The following NDC1 variants were observed in gnomAD, a reference collection of about 807,000 sequenced individuals.
The protein encoded by NDC1 is NDC1 transmembrane nucleoporin.
NDC1 carries 24 observed loss-of-function variants against 89.8 expected under a neutral mutation model. The observed-to-expected ratio is 0.27, with a 90% confidence interval of 0.19 to 0.38. NDC1 has a LOEUF of 0.38. Ranked by LOEUF, NDC1 falls within the 10% of genes least tolerant of loss-of-function variation. The pLI is 1.00. For synonymous variants in NDC1, 296 were observed against 284.8 expected, an observed-to-expected ratio of 1.04 and a Z score of -0.39; for missense variants, 728 against 797.6, an observed-to-expected ratio of 0.91 and a Z score of 1.05.
At chr1:53,770,013 G>C (rs1186510254) in intron 17 of NDC1, among the ~76,000 whole-genome samples, 3 of 152,152 alleles carry the variant, frequency 2.0e-5, no homozygotes, top group African/African-American at 7.2e-5. Flanking sequence ...GATGCAAGCA[G>C]ACAGAAATCC....
chr1:53,802,385 G>A (rs1647951146), intron 10 of NDC1, among the ~76,000 whole-genome samples: 1 of 152,084 alleles, frequency 6.6e-6, no homozygotes, highest in Non-Finnish European at 1.5e-5. Flanking sequence ...ATGAAAAGCT[G>A]GTTGAGTGTA....
chr1:53,793,313 A>T, intron 13 of NDC1, 34 bp from the exon 14 acceptor site: 1 of 1,518,604 alleles, frequency 6.6e-7, no homozygotes, highest in South Asian at 1.1e-5. Context: ...TAACACATTT[A>T]CCTTTTAAAT....
intron 17 of NDC1, among the ~76,000 whole-genome samples, chr1:53,770,229 A>G (rs900267374): frequency 1.3e-5 from 2 of 151,994 alleles, no homozygotes; most frequent in Non-Finnish European, 2.9e-5. Context: ...GTCTCGCTAA[A>G]ATATGGCTCT....
intron 16 of NDC1, among the ~76,000 whole-genome samples, chr1:53,778,907 C>A (rs1334606098): frequency 2.0e-5 from 3 of 151,692 alleles, no homozygotes; most frequent in African/African-American, 7.3e-5. Context: ...TTCGGGAGGC[C>A]GAGGCAGGCA....
chr1:53,807,437 A>T (rs1362615589), intron 8 of NDC1, among the ~76,000 whole-genome samples: 2 of 152,056 alleles, frequency 1.3e-5, no homozygotes, highest in Non-Finnish European at 2.9e-5. Context: ...CATTCAGTTT[A>T]ATCTCCAAAA....
At chr1:53,795,368 T>C (rs995435244) in intron 13 of NDC1, among the ~76,000 whole-genome samples, 4 of 152,164 alleles carry the variant, frequency 2.6e-5, no homozygotes, top group Non-Finnish European at 5.9e-5. Context: ...CCCAGAACTT[T>C]CCCCTACACT....
At chr1:53,783,718 G>A (rs1647241213) in intron 16 of NDC1, among the ~76,000 whole-genome samples, 1 of 152,160 alleles carries the variant, frequency 6.6e-6, no homozygotes, top group Non-Finnish European at 1.5e-5. Context: ...GTTTAATACT[G>A]TGAGTTCGAT....
At chr1:53,835,343 TTACGAAGGAGACATCTTAAAATTATC>T (rs1649194124) in intron 2 of NDC1, among the ~76,000 whole-genome samples, 131 bp downstream of exon 2, 1 of 152,226 alleles carries the variant, frequency 6.6e-6, no homozygotes, top group Non-Finnish European at 1.5e-5. Context: ...GTGATTTATG[TTACGAAGGAGACATCTTAAAATTATC>T]TCAAAGTGAA....
intron 5 of NDC1, among the ~76,000 whole-genome samples, chr1:53,821,860 AAT>A (rs559277714): frequency 1.9e-4 from 29 of 152,340 alleles, no homozygotes; most frequent in Middle Eastern, 6.8e-3. Context: ...CTATAAATGT[AAT>A]ACTTTCAACA....
intron 10 of NDC1, among the ~76,000 whole-genome samples, chr1:53,801,214 T>C (rs1458228574): frequency 6.6e-6 from 1 of 152,132 alleles, no homozygotes; most frequent in African/African-American, 2.4e-5. Context: ...CTGCTATGAC[T>C]GTGAACAATG....
intron 5 of NDC1, among the ~76,000 whole-genome samples, chr1:53,823,340 A>G (rs1648737782): frequency 6.6e-6 from 1 of 152,270 alleles, no homozygotes; most frequent in Non-Finnish European, 1.5e-5. Context: ...ATTATCAAAA[A>G]TCAATACTCT....
intron 17 of NDC1, chr1:53,770,903 C>G (rs1647107046): frequency 6.6e-6 from 1 of 152,244 alleles, no homozygotes; most frequent in Admixed American, 6.6e-5. Flanking sequence ...GATCCACCCA[C>G]CTCGGCCTCC....
At chr1:53,796,302 C>T (rs1185122896) in intron 13 of NDC1, among the ~76,000 whole-genome samples, 1 of 152,096 alleles carries the variant, frequency 6.6e-6, no homozygotes, top group Non-Finnish European at 1.5e-5. Context: ...CTTAATAGCA[C>T]ATAAGTCTTA....
At chr1:53,784,591 G>T (rs1482829373) in intron 16 of NDC1, among the ~76,000 whole-genome samples, 20 of 152,240 alleles carry the variant, frequency 1.3e-4, no homozygotes. Context: ...AGGAGATCAA[G>T]ATCGTCCTGG....
In NDC1 at chr1:53,835,616, A is replaced by C. The variant is rs780038604; in HGVS notation, c.62T>G (p.Leu21Trp). The C allele has an allele frequency of 5.0e-6, 8 of 1,606,546 alleles. No individual in the cohort carries two copies. Among genetic ancestry groups the C allele is most frequent in the African/African-American group, 2.7e-5 (2 of 74,358 alleles). ...GRSRDILWRV[L>W]GWRIVASIVW... ...AATACTTGCAACTATCCTCCAGCCC[A>C]AAACCTATAAACAAAAAGAAAAACC... The change falls in exon 2 of 18, where the codon TTG (leucine) becomes TGG (tryptophan). Residue 21 changes from leucine (L) to tryptophan (W), a missense_variant. Leu to Trp is a moderately conservative substitution (Grantham distance 61). Transcript: ENST00000371429.
intron 13 of NDC1, among the ~76,000 whole-genome samples, chr1:53,795,701 G>A (rs550032457): frequency 6.6e-6 from 1 of 152,042 alleles, no homozygotes; most frequent in South Asian, 2.1e-4. Context: ...TACCACTCTG[G>A]TCCCAGATAC....
chr1:53,776,050 G>A (rs1022219788), intron 16 of NDC1, among the ~76,000 whole-genome samples: 17 of 151,270 alleles, frequency 1.1e-4, no homozygotes, highest in African/African-American at 4.1e-4. Context: ...TGCCTCCCTG[G>A]TTCAATCGAT....
chr1:53,834,968 C>T (rs922175742), intron 2 of NDC1, among the ~76,000 whole-genome samples: 1 of 122,640 alleles, frequency 8.2e-6, no homozygotes, highest in Non-Finnish European at 1.6e-5. Flanking sequence ...ATCAGCCGGG[C>T]GTGGTGGCGC....
At chr1:53,811,123 G>A (rs1390833754) in intron 6 of NDC1, among the ~76,000 whole-genome samples, 1 of 152,210 alleles carries the variant, frequency 6.6e-6, no homozygotes, top group Non-Finnish European at 1.5e-5. Context: ...GGCCCTGGGA[G>A]CTTGCTGCAC....
Sources: allele counts gnomAD v4.1 joint callset (sites outside exome capture counted in the v4.1 genomes callset), GRCh38; gene constraint gnomAD v4.1.1; transcripts MANE v1.5; gene names NCBI Gene and HGNC (gene_info 2026-07-23, HGNC 2026-07-21).